Variants in GABRB1 observed in about 807,000 individuals in gnomAD.
The protein encoded by GABRB1 is gamma-aminobutyric acid type A receptor subunit beta1.
In GABRB1, 17 loss-of-function variants were observed where a neutral mutation model predicts 51.6. The ratio of observed to expected loss-of-function variants is 0.33; its 90% CI spans 0.23 to 0.49. GABRB1 has a LOEUF of 0.49. Among genes scored for constraint, GABRB1 ranks in the 20% least tolerant of loss-of-function variants. The pLI is 0.99. For synonymous variants in GABRB1, 247 were observed against 218.9 expected (o/e 1.13, Z -1.14); for missense variants, 410 against 600.6 (o/e 0.68, Z 3.32).
intron 4 of GABRB1, among the ~76,000 whole-genome samples, chr4:47,315,517 AT>A (rs1247074937): frequency 6.6e-6 from 1 of 152,026 alleles, no homozygotes; most frequent in African/African-American, 2.4e-5. Context: ...TGACTCAGCA[AT>A]TCCCTTGTTG....
intron 5 of GABRB1, among the ~76,000 whole-genome samples, chr4:47,378,171 G>T (rs1008757589): frequency 5.3e-5 from 8 of 152,232 alleles, no homozygotes; most frequent in African/African-American, 1.7e-4. Flanking sequence ...AGGCATGGCG[G>T]GCTGCAGGTC....
chr4:47,001,341 A>AC, intron 1 of GABRB1, among the ~76,000 whole-genome samples: 1 of 151,932 alleles, frequency 6.6e-6, no homozygotes, highest in South Asian at 2.1e-4. Context: ...ATGTGGTTTC[A>AC]CCGTGTTAGC....
At chr4:47,090,096 T>G (rs528307125) in intron 3 of GABRB1, among the ~76,000 whole-genome samples, 4 of 152,234 alleles carry the variant, frequency 2.6e-5, no homozygotes, top group Non-Finnish European at 5.9e-5. Context: ...ACGTTTTTGT[T>G]GAATATAAAA....
intron 5 of GABRB1, among the ~76,000 whole-genome samples, chr4:47,357,962 G>A (rs145846885): frequency 9.1e-4 from 138 of 152,226 alleles, no homozygotes; most frequent in African/African-American, 3.2e-3. Flanking sequence ...CATATGTTGA[G>A]AGCTTATGAT....
chr4:47,212,628 G>A (rs991618765), intron 4 of GABRB1, among the ~76,000 whole-genome samples: 5 of 152,188 alleles, frequency 3.3e-5, no homozygotes, highest in African/African-American at 7.2e-5. Flanking sequence ...GCAGTGAGCC[G>A]AGATCGTGTT....
intron 8 of GABRB1, among the ~76,000 whole-genome samples, chr4:47,417,264 AT>A (rs889699123): frequency 2.6e-5 from 4 of 151,742 alleles, no homozygotes; most frequent in African/African-American, 9.7e-5. Context: ...CCACAGCCTT[AT>A]TTTTGTTTTT....
intron 3 of GABRB1, among the ~76,000 whole-genome samples, chr4:47,141,147 T>G (rs1386519822): frequency 6.6e-6 from 1 of 151,880 alleles, no homozygotes; most frequent in Non-Finnish European, 1.5e-5. Flanking sequence ...TCTTCTCCTA[T>G]GTAGAGATGT....
At chr4:47,375,949 G>A (rs114798437) in intron 5 of GABRB1, among the ~76,000 whole-genome samples, 2,385 of 152,286 alleles carry the variant, frequency 0.016, 74 homozygotes, top group African/African-American at 0.055. Flanking sequence ...AGAAGATGAT[G>A]ACTTCCATTC....
intron 5 of GABRB1, among the ~76,000 whole-genome samples, chr4:47,391,358 TG>T (rs1255942780): frequency 1.3e-5 from 2 of 152,202 alleles, no homozygotes; most frequent in Admixed American, 6.5e-5. Context: ...AAATCTCTAT[TG>T]ATCAGTAGTC....
chr4:47,362,631 G>A (rs1242430659), intron 5 of GABRB1, among the ~76,000 whole-genome samples: 2 of 152,142 alleles, frequency 1.3e-5, no homozygotes, highest in African/African-American at 4.8e-5. Context: ...CCCAATTCAT[G>A]TATGCACTCA....
At chr4:47,185,009 C>T (rs1719113998) in intron 4 of GABRB1, among the ~76,000 whole-genome samples, 1 of 151,822 alleles carries the variant, frequency 6.6e-6, no homozygotes, top group South Asian at 2.1e-4. Flanking sequence ...TGCAACAGGC[C>T]TTCCCACAGC....
chr4:47,358,740 CG>C (rs1303284438), intron 5 of GABRB1, among the ~76,000 whole-genome samples: 2 of 152,068 alleles, frequency 1.3e-5, no homozygotes, highest in African/African-American at 4.8e-5. Context: ...ATGAATTTAG[CG>C]GTAGAGAAAA....
At position 47,045,245 on chromosome 4, in the gene GABRB1, A is replaced by G. The variant is rs115110130; in HGVS notation, c.240+12761A>G. Among the ~76,000 whole-genome samples the G allele has an allele frequency of 8.4e-3, 1,282 of 152,184 alleles. 13 individuals are homozygous for G. Among genetic ancestry groups the G allele is most frequent in the African/African-American group, 0.028 (1,172 of 41,540 alleles). On this transcript the variant is annotated intron_variant, in intron 3 of 8. Transcript: ENST00000295454. Reference sequence around the variant, plus strand: ...AACAAGTGTAAAACAACACTTTCCTAGGAAACCCAGGATTTATGATTACAG... The same window carrying G: ...AACAAGTGTAAAACAACACTTTCCTGGGAAACCCAGGATTTATGATTACAG...
At chr4:47,064,594 C>T (rs972589766) in intron 3 of GABRB1, among the ~76,000 whole-genome samples, 30 of 142,348 alleles carry the variant, frequency 2.1e-4, no homozygotes, top group South Asian at 6.6e-4. Context: ...GTCAAGATCG[C>T]GCCATTGCAC....
At chr4:47,074,571 A>G (rs1727472205) in intron 3 of GABRB1, among the ~76,000 whole-genome samples, 1 of 152,188 alleles carries the variant, frequency 6.6e-6, no homozygotes, top group Non-Finnish European at 1.5e-5. Flanking sequence ...AGTGCTTAGC[A>G]TGTTGCTTGG....
intron 1 of GABRB1, among the ~76,000 whole-genome samples, chr4:47,024,083 A>G (rs1254946103): frequency 3.3e-5 from 5 of 151,872 alleles, no homozygotes; most frequent in Admixed American, 2.6e-4. Context: ...TAAAATTTAC[A>G]ATTACATTTC....
Position 47,403,324 on chromosome 4 carries a change from A to G in GABRB1, c.551A>G (p.Tyr184Cys). 6.2e-7 allele frequency: 1 copy of G among 1,613,990 alleles called. No individual in the cohort carries two copies. Among genetic ancestry groups the G allele is most frequent in the Non-Finnish European group, 8.5e-7 (1 of 1,179,882 alleles). ...NCTLEIESYGYTTDDIEFYWN... is the reference protein window; with the variant it reads ...NCTLEIESYGCTTDDIEFYWN... ...CTGTTTTTATTGGTTTCAGATGGCT[A>G]TACCACTGATGACATTGAATTTTAC... Residue 184 changes from tyrosine to cysteine, a missense_variant, in exon 6 of 9, where the codon TAT (tyrosine) becomes TGT (cysteine). Coordinates refer to ENST00000295454, the MANE Select transcript of GABRB1 (RefSeq NM_000812.4).
chr4:47,109,371 T>C (rs780748298), intron 3 of GABRB1, among the ~76,000 whole-genome samples: 2 of 152,062 alleles, frequency 1.3e-5, no homozygotes, highest in Non-Finnish European at 2.9e-5. Flanking sequence ...TGGTAATTGA[T>C]TAGAATATGA....
chr4:47,278,490 A>G (rs1023820922), intron 4 of GABRB1, among the ~76,000 whole-genome samples: 1 of 152,184 alleles, frequency 6.6e-6, no homozygotes, highest in Non-Finnish European at 1.5e-5. Flanking sequence ...TCAGAACTCC[A>G]CTTGTTCCTA....
Sources: gnomAD v4.1 joint callset for allele counts (sites outside exome capture counted in the v4.1 genomes callset) on GRCh38, gnomAD v4.1.1 for gene constraint, MANE v1.5 for transcripts, NCBI Gene and HGNC (gene_info 2026-07-23, HGNC 2026-07-21) for gene names.